The following EBF3 variants were observed in gnomAD, a reference collection of about 807,000 sequenced individuals.
EBF3 encodes the protein EBF transcription factor 3.
A neutral mutation model predicts 77.1 loss-of-function variants in EBF3; 18 were observed. That is an observed-to-expected ratio of 0.23 (90% CI 0.16 to 0.35). The LOEUF (loss-of-function observed/expected upper bound fraction) is 0.35, where lower values mean the gene tolerates loss of function less well. EBF3 is among the 10% of genes least tolerant of loss of function. The pLI is 1.00. For synonymous variants in EBF3, 350 were observed against 343.5 expected, an observed-to-expected ratio of 1.02 and a Z score of -0.21; for missense variants, 558 against 860.0, an observed-to-expected ratio of 0.65 and a Z score of 4.39.
At chr10:129,875,184 C>CTTT (rs1564846069) in intron 7 of EBF3, among the ~76,000 whole-genome samples, 3 of 117,624 alleles carry the variant, frequency 2.6e-5, no homozygotes, top group African/African-American at 3.3e-5. Flanking sequence ...GTGATGGCTT[C>CTTT]TTCTTTTTTT....
At chr10:129,950,648 A>T (rs1216673524) in intron 6 of EBF3, among the ~76,000 whole-genome samples, 7 of 152,236 alleles carry the variant, frequency 4.6e-5, no homozygotes, top group Admixed American at 4.6e-4. Flanking sequence ...AACAACAAAA[A>T]AAAACCCCTT....
chr10:129,943,143 A>G lies in EBF3; in HGVS notation c.554+14115T>C, dbSNP rs1410614153. ...TCAAGAAGCCAACAACTTCCTCCAC[A>G]TAAACAAGGCCCGCCAGAGCCAGAG... is the stretch of plus-strand genomic sequence containing the variant. On this transcript the variant is annotated intron_variant, in intron 6 of 16. Coordinates refer to ENST00000440978, the MANE Select transcript of EBF3 (RefSeq NM_001375380.1). The surrounding 1 kb of genome is among the most constrained non-coding windows in gnomAD (Gnocchi z 8.8). Among the ~76,000 whole-genome samples, 1 of 152,188 alleles carries G rather than the reference A, an allele frequency of 6.6e-6. No homozygotes were observed. The highest frequency in any genetic ancestry group is 1.5e-5 in the Non-Finnish European group (1 of 68,032).
At chr10:129,850,043 G>A (rs1564823692) in intron 10 of EBF3, among the ~76,000 whole-genome samples, 1 of 152,244 alleles carries the variant, frequency 6.6e-6, no homozygotes, top group Non-Finnish European at 1.5e-5. Flanking sequence ...CGGGGCGCGT[G>A]CGCAGTCGCC....
At chr10:129,908,153 A>G (rs1432724296) in intron 6 of EBF3, among the ~76,000 whole-genome samples, 3 of 152,230 alleles carry the variant, frequency 2.0e-5, no homozygotes, top group East Asian at 1.9e-4. Context: ...AGTTAAAGCC[A>G]TATTATATGA....
At chr10:129,866,856 T>C (rs946158673) in intron 10 of EBF3, among the ~76,000 whole-genome samples, 4 of 152,162 alleles carry the variant, frequency 2.6e-5, no homozygotes, top group Non-Finnish European at 5.9e-5. Flanking sequence ...TTGTTCCTAA[T>C]GACTCCCCCT....
In EBF3 at chr10:129,962,968, T is replaced by C; in HGVS notation, c.329A>G (p.Tyr110Cys). The change falls in exon 3 of 17, where the codon TAT becomes TGT. Residue 110 changes from tyrosine (Y) to cysteine (C), a missense_variant. Transcript: ENST00000440978. ...GTTGCTGTACAATAACTGGAGTTTATAGTGGATGCCGTTGTTGGTTTTCTC... is the reference window on the plus strand; with the variant it reads ...GTTGCTGTACAATAACTGGAGTTTACAGTGGATGCCGTTGTTGGTTTTCTC... ...NNEKTNNGIH[Y>C]KLQLLYSNGV... is the part of the protein sequence containing the mutation. 1 of 1,614,150 alleles carries C rather than the reference T, an allele frequency of 6.2e-7. No individual in the cohort carries two copies. Among genetic ancestry groups the C allele is most frequent in the Non-Finnish European group, 8.5e-7 (1 of 1,180,020 alleles).
intron 3 of EBF3, 142 bp from the exon 4 acceptor site, chr10:129,962,368 AAG>A: frequency 1.4e-6 from 1 of 702,860 alleles, no homozygotes; most frequent in East Asian, 2.7e-5. Flanking sequence ...GAAAGGGAGA[AAG>A]AGAACCCCAC....
At chr10:129,958,360 G>T (rs1199780468) in intron 5 of EBF3, among the ~76,000 whole-genome samples, 1 of 152,226 alleles carries the variant, frequency 6.6e-6, no homozygotes, top group East Asian at 1.9e-4. Flanking sequence ...CCATGTAGGG[G>T]TGAAACTCTT....
At chr10:129,898,929 C>T (rs1450416514) in intron 6 of EBF3, among the ~76,000 whole-genome samples, 2 of 152,234 alleles carry the variant, frequency 1.3e-5, no homozygotes, top group East Asian at 1.9e-4. Flanking sequence ...CCTCGGATAA[C>T]GTGCAGCCTC....
Position 129,837,182 on chromosome 10 carries a change from A to G in EBF3, c.*761T>C, listed in dbSNP as rs1849661819. The G allele has an allele frequency of 6.5e-6, 1 of 152,698 alleles. No individual in the cohort carries two copies. The allele number at this position is 152,698 out of a possible 1,614,324, so 9.5% of individuals were successfully genotyped here. A position where few individuals can be genotyped will look rare whatever the true frequency, so the allele number is the denominator to read the frequency against. On this transcript the variant is annotated 3_prime_UTR_variant, in exon 17 of 17. Coordinates refer to ENST00000440978, the MANE Select transcript of EBF3 (RefSeq NM_001375380.1). ...AGCAAAAGTTGAAAAAATGTTGCAG[A>G]TCACACTTGCTTAACAGGAAGCTCT... is the stretch of plus-strand genomic sequence containing the variant.
chr10:129,959,782 G>T (rs1023959288), intron 4 of EBF3, among the ~76,000 whole-genome samples: 11 of 151,794 alleles, frequency 7.2e-5, no homozygotes, highest in African/African-American at 2.7e-4. Flanking sequence ...CCGCGGCGTC[G>T]CCAGCGCCCC....
rs1287199643 is a variant in EBF3, at chr10:129,836,135, G to A, written c.*1808C>T. On this transcript the variant is annotated 3_prime_UTR_variant, in exon 17 of 17. Coordinates refer to ENST00000440978, the MANE Select transcript of EBF3 (RefSeq NM_001375380.1). The stretch of plus-strand genomic sequence containing the variant: ...CTTGTGCTTTTTTGTGTGTGTTTGT[G>A]TGTTTTACACCATACATCTCCAAAT... The A allele has an allele frequency of 6.6e-6, 1 of 152,582 alleles. No individual in the cohort carries two copies. The highest frequency in any genetic ancestry group is 2.4e-5 in the African/African-American group (1 of 41,410). The allele number at this position is 152,582 out of a possible 1,614,324, so 9.5% of individuals were successfully genotyped here. A position where few individuals can be genotyped will look rare whatever the true frequency, so the allele number is the denominator to read the frequency against.
At chr10:129,906,975 A>G (rs1203835317) in intron 6 of EBF3, among the ~76,000 whole-genome samples, 1 of 152,236 alleles carries the variant, frequency 6.6e-6, no homozygotes, top group Non-Finnish European at 1.5e-5. Context: ...CAGAAATGAA[A>G]TGATGAAAGT....
At chr10:129,877,028 C>A (rs1446499223) in intron 7 of EBF3, among the ~76,000 whole-genome samples, 2 of 151,872 alleles carry the variant, frequency 1.3e-5, no homozygotes, top group Non-Finnish European at 2.9e-5. Flanking sequence ...ACACAGTAAA[C>A]CTCGGGGGAA....
rs540538101 is a variant in EBF3, at chr10:129,911,749, T to C, written c.555-33900A>G. ...AGCATGAATGAGATCTCATAGTTGA[T>C]ATGGGGGAAATGGTGACCCCTCACT... On this transcript the variant is annotated intron_variant, in intron 6 of 16. Coordinates refer to ENST00000440978, the MANE Select transcript of EBF3 (RefSeq NM_001375380.1). Among the ~76,000 whole-genome samples, 96 of 151,976 alleles carry C rather than the reference T, an allele frequency of 6.3e-4. 1 individual carries two copies. Among genetic ancestry groups the C allele is most frequent in the African/African-American group, 2.2e-3 (92 of 41,484 alleles).
chr10:129,886,196 T>C (rs1408814644), intron 6 of EBF3, among the ~76,000 whole-genome samples: 1 of 152,184 alleles, frequency 6.6e-6, no homozygotes, highest in Non-Finnish European at 1.5e-5. Context: ...AAATCACATT[T>C]TAAATCAAGC....
At chr10:129,871,552 T>G (rs370189992) in intron 8 of EBF3, among the ~76,000 whole-genome samples, 9 of 152,182 alleles carry the variant, frequency 5.9e-5, no homozygotes, top group African/African-American at 2.2e-4. Flanking sequence ...GGGACTGATG[T>G]AGAGCCAGCC....
intron 4 of EBF3, among the ~76,000 whole-genome samples, chr10:129,961,613 T>C (rs1859527807): frequency 6.6e-6 from 1 of 152,052 alleles, no homozygotes; most frequent in African/African-American, 2.4e-5. Context: ...CCCTGGAGCT[T>C]GGAGTTTGAA....
intron 3 of EBF3, 24 bp from the exon 4 acceptor site, chr10:129,962,250 C>A (rs763703579): frequency 1.6e-5 from 26 of 1,613,742 alleles, no homozygotes; most frequent in Non-Finnish European, 2.1e-5. Context: ...GAGACAAATT[C>A]TCATCAGGAT....
Sources: gnomAD v4.1 joint callset for allele counts (sites outside exome capture counted in the v4.1 genomes callset) on GRCh38, gnomAD v4.1.1 for gene constraint, Gnocchi (gnomAD v3.1) non-coding constraint, MANE v1.5 for transcripts, NCBI Gene and HGNC (gene_info 2026-07-23, HGNC 2026-07-21) for gene names.